Variants in CACNA2D1 observed in about 807,000 individuals in gnomAD.
The protein encoded by CACNA2D1 is calcium voltage-gated channel auxiliary subunit alpha2delta 1, also known as voltage-dependent calcium channel subunit alpha-2/delta-1.
In CACNA2D1, 53 loss-of-function variants were observed where a neutral mutation model predicts 171.5. The ratio of observed to expected loss-of-function variants is 0.31; its 90% CI spans 0.25 to 0.39. The LOEUF (loss-of-function observed/expected upper bound fraction) is 0.39. Ranked by LOEUF, CACNA2D1 falls within the 10% of genes least tolerant of loss-of-function variation. The pLI, the probability that CACNA2D1 is intolerant of heterozygous loss-of-function variation, is 1.00. For synonymous variants in CACNA2D1, 442 were observed against 443.1 expected (o/e 1.00, Z 0.03); for missense variants, 903 against 1,299.8 (o/e 0.69, Z 4.69).
chr7:82,380,798 G>A (rs1018669100), intron 1 of CACNA2D1, among the ~76,000 whole-genome samples: 2 of 151,864 alleles, frequency 1.3e-5, no homozygotes, highest in East Asian at 4.0e-4. Flanking sequence ...AGGTTCAAGC[G>A]ATTTTCATGC....
chr7:82,353,661 C>T (rs1471579686), intron 1 of CACNA2D1, among the ~76,000 whole-genome samples: 1 of 151,680 alleles, frequency 6.6e-6, no homozygotes, highest in Non-Finnish European at 1.5e-5. Context: ...ATCACAAAAG[C>T]CAAAGAAGGG....
At chr7:82,016,614 C>A (rs796391578) in intron 12 of CACNA2D1, among the ~76,000 whole-genome samples, 1,223 of 122,258 alleles carry the variant, frequency 0.01, 57 homozygotes, top group African/African-American at 0.034. Context: ...CCGCCCGCCC[C>A]CCCCCCCCAA....
At chr7:82,104,400 G>C (rs1340801954) in intron 6 of CACNA2D1, among the ~76,000 whole-genome samples, 1 of 151,878 alleles carries the variant, frequency 6.6e-6, no homozygotes, top group African/African-American at 2.4e-5. Flanking sequence ...ATCTAAGAGT[G>C]ATCTAGTCAC....
chr7:82,359,247 T>G (rs548301894), intron 1 of CACNA2D1, among the ~76,000 whole-genome samples: 1 of 152,344 alleles, frequency 6.6e-6, no homozygotes, highest in African/African-American at 2.4e-5. Context: ...TCTGTGATTT[T>G]TCTCAGTCAT....
chr7:82,186,300 G>A (rs553279107), intron 3 of CACNA2D1, among the ~76,000 whole-genome samples: 1 of 125,240 alleles, frequency 8.0e-6, no homozygotes, highest in Admixed American at 8.0e-5. Flanking sequence ...AGAAAGGTGG[G>A]CCAGATTTGA....
rs35419275 is a variant in CACNA2D1, at chr7:82,363,254, C to CTTTTTTTTTTTTTTTTTT, written c.96-13623_96-13606dup. Among the ~76,000 whole-genome samples, 38 of 63,432 alleles carry CTTTTTTTTTTTTTTTTTT rather than the reference C, an allele frequency of 6.0e-4. 9 individuals carry two copies. Among genetic ancestry groups the CTTTTTTTTTTTTTTTTTT allele is most frequent in the African/African-American group, 2.9e-3 (35 of 11,946 alleles). 41.6% of individuals were successfully genotyped at this position (63,432 alleles called of 152,430 possible). Reference sequence around the variant, plus strand: ...CTACCATAGTTTTATTTATTTGTCTCTTTTTTTTTTTTTTTTTTTTTTTTT... The same window carrying CTTTTTTTTTTTTTTTTTT: ...CTACCATAGTTTTATTTATTTGTCTCTTTTTTTTTTTTTTTTTTTTTTTTTTTTTTTTTTTTTTTTTTT... On this transcript the variant is annotated intron_variant, in intron 1 of 38. Coordinates refer to ENST00000356860, the MANE Select transcript of CACNA2D1 (RefSeq NM_000722.4).
chr7:81,984,152 T>C (rs1200948736), intron 22 of CACNA2D1, among the ~76,000 whole-genome samples: 1 of 152,162 alleles, frequency 6.6e-6, no homozygotes, highest in African/African-American at 2.4e-5. Context: ...ACCAGTGCAA[T>C]TTAATTTATT....
chr7:82,000,837 GCCTGGCTGGTCTCAAACT>G (rs1410953382), intron 18 of CACNA2D1, among the ~76,000 whole-genome samples: 1 of 107,246 alleles, frequency 9.3e-6, no homozygotes, highest in Non-Finnish European at 1.7e-5. Context: ...CACTATGTTG[GCCTGGCTGGTCTCAAACT>G]CCTGACCTTG....
intron 4 of CACNA2D1, among the ~76,000 whole-genome samples, chr7:82,169,113 T>G (rs560380178): frequency 7.9e-5 from 12 of 152,176 alleles, no homozygotes; most frequent in African/African-American, 2.4e-4. Context: ...TAGCTAGATT[T>G]GTTTTGCTGC....
chr7:81,971,966 T>A, intron 25 of CACNA2D1, 102 bp from the exon 26 acceptor site: 1 of 739,348 alleles, frequency 1.4e-6, no homozygotes, highest in Non-Finnish European at 2.4e-6. Flanking sequence ...AGTAGATATT[T>A]CTATGAATTT....
Position 81,959,814 on chromosome 7 carries a change from T to C in CACNA2D1, c.2982A>G (p.Glu994=). 5.0e-6 allele frequency: 8 copies of C among 1,612,324 alleles called. No homozygotes were observed. Among genetic ancestry groups the C allele is most frequent in the Non-Finnish European group, 6.8e-6 (8 of 1,178,924 alleles). ...CGNCSRIFHG[E]KLMNTNLIFI... ...ATATTAAGTTGGTGTTCATAAGCTT[T>C]TCTCCATGAAAGATTCTGCAAAATA... is the stretch of plus-strand genomic sequence containing the variant. The change falls in exon 37 of 39, where the codon GAA becomes GAG. Residue 994 remains glutamate (E), a synonymous_variant. Coordinates refer to ENST00000356860, the MANE Select transcript of CACNA2D1 (RefSeq NM_000722.4).
Position 82,111,440 on chromosome 7 carries a change from A to AT in CACNA2D1, c.526+5603dup, listed in dbSNP as rs1563065500. The stretch of plus-strand genomic sequence containing the variant: ...TGTATATATGTGTGTATATATATAT[A>AT]TATATTTTTTTTTTTTTTTTTTTTT... On this transcript the variant is annotated intron_variant, in intron 6 of 38. Coordinates refer to ENST00000356860, the MANE Select transcript of CACNA2D1 (RefSeq NM_000722.4). 1.6e-4 allele frequency among the ~76,000 whole-genome samples: 16 copies of AT among 99,748 alleles called. 1 individual carries two copies. The highest frequency in any genetic ancestry group is 3.2e-4 in the East Asian group (1 of 3,112). The allele number at this position is 99,748 out of a possible 152,430, so 65.4% of individuals were successfully genotyped here.
intron 6 of CACNA2D1, among the ~76,000 whole-genome samples, chr7:82,106,598 T>A (rs1283907332): frequency 6.6e-6 from 1 of 152,094 alleles, no homozygotes; most frequent in Non-Finnish European, 1.5e-5. Context: ...AATAACTGGA[T>A]TTTTTGCAAA....
chr7:82,250,493 G>A (rs1172876365), intron 3 of CACNA2D1, among the ~76,000 whole-genome samples: 1 of 152,042 alleles, frequency 6.6e-6, no homozygotes, highest in Non-Finnish European at 1.5e-5. Flanking sequence ...CACATAAGTA[G>A]GTACATACAG....
chr7:81,950,516 T>TAAA lies in CACNA2D1; in HGVS notation c.3160-11_3160-9dup. On this transcript the variant is annotated splice_polypyrimidine_tract_variant and intron_variant, in intron 38 of 38. Coordinates refer to ENST00000356860, the MANE Select transcript of CACNA2D1 (RefSeq NM_000722.4). ...ACAGTCAGTATAATCCTCCTGTTGT[T>TAAA]AAAAAAAAAAGAAAAGAACAGAAAA... 2.8e-6 allele frequency: 4 copies of TAAA among 1,454,150 alleles called. No homozygotes were observed. Among genetic ancestry groups the TAAA allele is most frequent in the South Asian group, 1.3e-5 (1 of 78,704 alleles). 90.1% of individuals were successfully genotyped at this position (1,454,150 alleles called of 1,614,324 possible). A position where few individuals can be genotyped will look rare whatever the true frequency, so the allele number is the denominator to read the frequency against.
At position 82,443,746 on chromosome 7, in the gene CACNA2D1, G is replaced by C; in HGVS notation, c.-287C>G. 1 of 1,199,800 alleles carries C rather than the reference G, an allele frequency of 8.3e-7. No homozygotes were observed. Among genetic ancestry groups the C allele is most frequent in the Non-Finnish European group, 1.0e-6 (1 of 959,194 alleles). The allele number at this position is 1,199,800 out of a possible 1,614,324, so 74.3% of individuals were successfully genotyped here. A position where few individuals can be genotyped will look rare whatever the true frequency, so the allele number is the denominator to read the frequency against. Reference sequence around the variant, plus strand: ...AAGGGCGACTTTGGAAACAGACCTCGGCGAGCCCGCCGGCGCTCGCGCGCT... The same window carrying C: ...AAGGGCGACTTTGGAAACAGACCTCCGCGAGCCCGCCGGCGCTCGCGCGCT... On this transcript the variant is annotated 5_prime_UTR_variant, in exon 1 of 39. Transcript: ENST00000356860.
intron 3 of CACNA2D1, among the ~76,000 whole-genome samples, chr7:82,194,160 G>A (rs144618807): frequency 2.0e-5 from 3 of 152,140 alleles, no homozygotes; most frequent in African/African-American, 7.2e-5. Context: ...GTTGGCATGA[G>A]CCAGTGACAG....
At chr7:82,112,682 A>T (rs756281695) in intron 6 of CACNA2D1, among the ~76,000 whole-genome samples, 11 of 152,196 alleles carry the variant, frequency 7.2e-5, no homozygotes, top group Non-Finnish European at 1.3e-4. Flanking sequence ...TGGTTCTTGG[A>T]GTAACAACAA....
chr7:82,373,657 T>A (rs1345717032), intron 1 of CACNA2D1, among the ~76,000 whole-genome samples: 1 of 152,198 alleles, frequency 6.6e-6, no homozygotes, highest in African/African-American at 2.4e-5. Flanking sequence ...ACAATCTGGC[T>A]AAAAGGGCTT....
Sources: allele counts gnomAD v4.1 joint callset (sites outside exome capture counted in the v4.1 genomes callset), GRCh38; gene constraint gnomAD v4.1.1; transcripts MANE v1.5; gene names NCBI Gene and HGNC (gene_info 2026-07-23, HGNC 2026-07-21).